The following DNAJC11 variants were observed in gnomAD, a reference collection of about 807,000 sequenced individuals.
DNAJC11 encodes dnaJ homolog subfamily C member 11.
DNAJC11 carries 15 observed loss-of-function variants against 78.6 expected under a neutral mutation model. That is an observed-to-expected ratio of 0.19 (90% CI 0.13 to 0.29). The LOEUF (loss-of-function observed/expected upper bound fraction) is 0.29, where lower values mean the gene tolerates loss of function less well. Among genes scored for constraint, DNAJC11 ranks in the 10% least tolerant of loss-of-function variants. The pLI is 1.00. For synonymous variants in DNAJC11, 292 were observed against 272.1 expected (o/e 1.07, Z -0.72); for missense variants, 547 against 709.6 (o/e 0.77, Z 2.60).
chr1:6,666,171 T>C (rs980449477), intron 4 of DNAJC11, among the ~76,000 whole-genome samples: 1 of 152,208 alleles, frequency 6.6e-6, no homozygotes, highest in Non-Finnish European at 1.5e-5. Flanking sequence ...CACATGATAA[T>C]GAGTGATACA....
chr1:6,637,452 C>T lies in DNAJC11; in HGVS notation c.1376G>A (p.Arg459Lys), dbSNP rs1234202098. ...VRRIIEAEES[R>K]MGLIIVNAWY... is the part of the protein sequence containing the mutation. ...GAGAGGACACATGTTCTCACCCATT[C>T]TGGACTCTTCTGCCTCAATTATCCT... The change falls in exon 13 of 16, where the codon AGA (arginine) becomes AAA (lysine). Residue 459 changes from arginine to lysine, a missense_variant. Arg to Lys is a conservative substitution (Grantham distance 26). Transcript: ENST00000377577. 6.2e-7 allele frequency: 1 copy of T among 1,614,258 alleles called. No individual in the cohort carries two copies. Among genetic ancestry groups the T allele is most frequent in the South Asian group, 1.1e-5 (1 of 91,086 alleles).
chr1:6,647,080 CTTTTTTTTTT>C (rs70981396), intron 7 of DNAJC11, among the ~76,000 whole-genome samples: 22 of 95,034 alleles, frequency 2.3e-4, no homozygotes, highest in African/African-American at 7.1e-4. Flanking sequence ...CTGGACAGGT[CTTTTTTTTTT>C]TTTTTTTTTT....
At chr1:6,692,211 G>A (rs1642757141) in intron 1 of DNAJC11, among the ~76,000 whole-genome samples, 1 of 152,136 alleles carries the variant, frequency 6.6e-6, no homozygotes, top group African/African-American at 2.4e-5. Flanking sequence ...GAAAATAACT[G>A]GCTTATAGAT....
chr1:6,640,329 G>A (rs946088590), intron 10 of DNAJC11, among the ~76,000 whole-genome samples: 2 of 152,188 alleles, frequency 1.3e-5, no homozygotes, highest in Non-Finnish European at 2.9e-5. Context: ...CGGGGTCAAC[G>A]TCCCCTACAG....
At chr1:6,682,979 C>G (rs571773876) in intron 1 of DNAJC11, among the ~76,000 whole-genome samples, 26 of 152,228 alleles carry the variant, frequency 1.7e-4, no homozygotes, top group African/African-American at 6.0e-4. Flanking sequence ...GAGAGCTTCC[C>G]GCTGGTTTGG....
At chr1:6,643,493 T>C (rs1319272932) in intron 10 of DNAJC11, among the ~76,000 whole-genome samples, 2 of 151,972 alleles carry the variant, frequency 1.3e-5, no homozygotes, top group East Asian at 1.9e-4. Flanking sequence ...GCCAGGATGG[T>C]CTCAATCTCC....
intron 1 of DNAJC11, 59 bp from the exon 2 acceptor site, chr1:6,681,096 C>A: frequency 5.9e-6 from 9 of 1,534,966 alleles, no homozygotes; most frequent in Non-Finnish European, 8.0e-6. Context: ...TTATCATCAT[C>A]AGAATCAGCC....
In DNAJC11 at chr1:6,669,848, C is replaced by T. The variant is rs541363777; in HGVS notation, c.277-2038G>A. Among the ~76,000 whole-genome samples the T allele has an allele frequency of 3.9e-5, 6 of 152,126 alleles. No homozygotes were observed. The East Asian group carries it at 1.2e-3, about 29-fold the overall frequency. ...AGGGGTATACGAAAGCAGATTCTGC[C>T]CATCCATGGGAGAAACACAGGGGAG... On this transcript the variant is annotated intron_variant, in intron 3 of 15. Coordinates refer to ENST00000377577, the MANE Select transcript of DNAJC11 (RefSeq NM_018198.4).
At chr1:6,656,813 C>T (rs1642134711) in intron 4 of DNAJC11, among the ~76,000 whole-genome samples, 1 of 151,250 alleles carries the variant, frequency 6.6e-6, no homozygotes, top group Non-Finnish European at 1.5e-5. Context: ...GAGGATTCCA[C>T]TGGGAGGTGG....
chr1:6,687,894 T>C (rs1332785518), intron 1 of DNAJC11, among the ~76,000 whole-genome samples: 1 of 152,178 alleles, frequency 6.6e-6, no homozygotes, highest in Non-Finnish European at 1.5e-5. Context: ...ACAATGCAAG[T>C]AGAACAGGAT....
intron 4 of DNAJC11, among the ~76,000 whole-genome samples, chr1:6,658,030 G>C (rs999524183): frequency 1.3e-5 from 2 of 152,180 alleles, no homozygotes; most frequent in African/African-American, 4.8e-5. Context: ...TTTCAACAGT[G>C]ATCACAGAAT....
intron 1 of DNAJC11, among the ~76,000 whole-genome samples, chr1:6,701,096 C>T (rs1642918920): frequency 6.6e-6 from 1 of 152,168 alleles, no homozygotes; most frequent in Non-Finnish European, 1.5e-5. Flanking sequence ...TGGCCTAGGG[C>T]TTCTTCCTAA....
chr1:6,678,926 G>A (rs1380724678), intron 2 of DNAJC11, among the ~76,000 whole-genome samples: 1 of 152,160 alleles, frequency 6.6e-6, no homozygotes, highest in African/African-American at 2.4e-5. Flanking sequence ...TGGGATTACA[G>A]GTGTGAGCCA....
chr1:6,645,185 G>T lies in DNAJC11; in HGVS notation c.895-59C>A. ...AGGGCGTGTGACTCTGTGGGGAGATGGGTATCTGCCCTCCCACTAGCTCTG... is the reference window on the plus strand; with the variant it reads ...AGGGCGTGTGACTCTGTGGGGAGATTGGTATCTGCCCTCCCACTAGCTCTG... On this transcript the variant is annotated intron_variant, in intron 8 of 15. Coordinates refer to ENST00000377577, the MANE Select transcript of DNAJC11 (RefSeq NM_018198.4). The surrounding 1 kb of genome is among the most constrained non-coding windows in gnomAD (Gnocchi z 4.1). The T allele has an allele frequency of 7.5e-7, 1 of 1,333,892 alleles. No individual in the cohort carries two copies. The highest frequency in any genetic ancestry group is 1.2e-5 in the South Asian group (1 of 84,904). 82.6% of individuals were successfully genotyped at this position (1,333,892 alleles called of 1,614,324 possible).
At chr1:6,643,536 A>C (rs751271262) in intron 10 of DNAJC11, among the ~76,000 whole-genome samples, 34 of 151,924 alleles carry the variant, frequency 2.2e-4, no homozygotes, top group Non-Finnish European at 4.0e-4. Context: ...TGGCCTCCCA[A>C]AGTGCTGGGA....
intron 1 of DNAJC11, among the ~76,000 whole-genome samples, chr1:6,684,264 T>C (rs764580106): frequency 1.4e-4 from 21 of 152,156 alleles, no homozygotes; most frequent in Admixed American, 3.3e-4. Flanking sequence ...GAATTTTTAA[T>C]AGAGATGGGA....
At chr1:6,681,668 C>T (rs1642555204) in intron 1 of DNAJC11, among the ~76,000 whole-genome samples, 1 of 152,100 alleles carries the variant, frequency 6.6e-6, no homozygotes, top group African/African-American at 2.4e-5. Flanking sequence ...GAAGGTGTGG[C>T]ACAAGGCAGA....
chr1:6,642,999 G>A lies in DNAJC11; in HGVS notation c.1097+1559C>T, dbSNP rs562699367. ...AGTGGTGCCTCCATTTAGGGGTTTG[G>A]GAGACAGCAGCCATCTGGTACGGAA... On this transcript the variant is annotated intron_variant, in intron 10 of 15. Transcript: ENST00000377577. Among the ~76,000 whole-genome samples the A allele has an allele frequency of 4.6e-5, 7 of 152,258 alleles. No homozygotes were observed. The East Asian group carries it at 1.2e-3, about 25-fold the overall frequency.
Position 6,640,069 on chromosome 1 carries a change from T to TAAAA in DNAJC11, c.1098-13_1098-12insTTTT. 3 of 862,730 alleles carry TAAAA rather than the reference T, an allele frequency of 3.5e-6. No homozygotes were observed. Among genetic ancestry groups the TAAAA allele is most frequent in the South Asian group, 3.8e-5 (1 of 26,044 alleles). The allele number at this position is 862,730 out of a possible 1,614,324, so 53.4% of individuals were successfully genotyped here. Reference sequence around the variant, plus strand: ...TGGCCCTGTTGAGCCTGGGGAAAAATACAAAAAAAAAAAAAAAAAAGCCAA... The same window carrying TAAAA: ...TGGCCCTGTTGAGCCTGGGGAAAAATAAAAACAAAAAAAAAAAAAAAAAAGCCAA... On this transcript the variant is annotated splice_polypyrimidine_tract_variant and intron_variant, in intron 10 of 15. Coordinates refer to ENST00000377577, the MANE Select transcript of DNAJC11 (RefSeq NM_018198.4).
Sources: allele counts gnomAD v4.1 joint callset (sites outside exome capture counted in the v4.1 genomes callset), GRCh38; gene constraint gnomAD v4.1.1; non-coding constraint Gnocchi (gnomAD v3.1); transcripts MANE v1.5; gene names NCBI Gene and HGNC (gene_info 2026-07-23, HGNC 2026-07-21).